The following EXTL3 variants were observed in gnomAD, a reference collection of about 807,000 sequenced individuals.
EXTL3 encodes exostosin like glycosyltransferase 3.
Under a neutral mutation model 69.3 loss-of-function variants are expected in EXTL3, and 27 were observed. The observed-to-expected ratio is 0.39, with a 90% CI of 0.29 to 0.54. EXTL3 has a LOEUF of 0.54. EXTL3 is among the 20% of genes least tolerant of loss of function. The pLI, the probability that EXTL3 is intolerant of heterozygous loss-of-function variation, is 0.69. For synonymous variants in EXTL3, 511 were observed against 499.4 expected, an observed-to-expected ratio of 1.02 and a Z score of -0.31; for missense variants, 1,003 against 1,231.8, an observed-to-expected ratio of 0.81 and a Z score of 2.78.
At chr8:28,657,429 C>T (rs1807028873) in intron 1 of EXTL3, among the ~76,000 whole-genome samples, 1 of 152,224 alleles carries the variant, frequency 6.6e-6, no homozygotes, top group Non-Finnish European at 1.5e-5. Flanking sequence ...CTCTGCCTGG[C>T]CCGACTAAGT....
intron 1 of EXTL3, among the ~76,000 whole-genome samples, chr8:28,708,500 A>G (rs1585266054): frequency 6.6e-6 from 1 of 150,968 alleles, no homozygotes; most frequent in East Asian, 1.9e-4. Context: ...GTGCTTATTA[A>G]CATACTTCCT....
At chr8:28,685,119 T>C (rs1365627196) in intron 1 of EXTL3, among the ~76,000 whole-genome samples, 1 of 151,948 alleles carries the variant, frequency 6.6e-6, no homozygotes, top group Non-Finnish European at 1.5e-5. Context: ...GCCTAGCTAA[T>C]TTTTATATTT....
At chr8:28,684,601 G>C (rs1324202371) in intron 1 of EXTL3, among the ~76,000 whole-genome samples, 2 of 152,034 alleles carry the variant, frequency 1.3e-5, no homozygotes, top group East Asian at 3.9e-4. Flanking sequence ...ATGTTGCTGG[G>C]TATGGTGGTA....
chr8:28,730,479 TA>T lies in EXTL3; in HGVS notation c.2149-741del, dbSNP rs1447311250. ...CACAGCTACTCACCCACACTGTAGG[TA>T]AACTATACTTAACTGAGATATGGTT... On this transcript the variant is annotated intron_variant, in intron 3 of 6. Coordinates refer to ENST00000220562, the MANE Select transcript of EXTL3 (RefSeq NM_001440.4). Among the ~76,000 whole-genome samples the T allele has an allele frequency of 2.6e-5, 4 of 151,960 alleles. No individual in the cohort carries two copies. In the East Asian group the frequency reaches 7.7e-4, roughly 29 times the overall value.
chr8:28,710,357 C>T, intron 1 of EXTL3: 1 of 405,032 alleles, frequency 2.5e-6, no homozygotes. Context: ...CCTGCAGGAA[C>T]AGCTACATTT....
In EXTL3 at chr8:28,691,572, A is replaced by ATTTTTTTTTTTTTTTTTTTTTTTT. The variant is rs71222571; in HGVS notation, c.-52-21873_-52-21872insTTTTTTTTTTTTTTTTTTTTTTTT. 9.2e-4 allele frequency among the ~76,000 whole-genome samples: 125 copies of ATTTTTTTTTTTTTTTTTTTTTTTT among 135,412 alleles called. 7 individuals are homozygous for ATTTTTTTTTTTTTTTTTTTTTTTT. The highest frequency in any genetic ancestry group is 3.8e-3 in the African/African-American group (119 of 30,948). 88.8% of individuals were successfully genotyped at this position (135,412 alleles called of 152,430 possible). On this transcript the variant is annotated intron_variant, in intron 1 of 6. Coordinates refer to the EXTL3 transcript ENST00000523149. ...TGGTAAATATTTATCAGTTTTTGTG[A>ATTTTTTTTTTTTTTTTTTTTTTTT]TTTTTTTTTTTTGCTATTGTGTTCC...
chr8:28,674,071 TTTTGTTTG>T (rs56245235), intron 1 of EXTL3, among the ~76,000 whole-genome samples: 5 of 150,844 alleles, frequency 3.3e-5, no homozygotes, highest in Non-Finnish European at 7.4e-5. Context: ...ATATGATACC[TTTTGTTTG>T]TTTGTTTGTT....
At chr8:28,629,713 A>G (rs537671194) in intron 1 of EXTL3, among the ~76,000 whole-genome samples, 1 of 152,090 alleles carries the variant, frequency 6.6e-6, no homozygotes, top group Non-Finnish European at 1.5e-5. Flanking sequence ...TCCAATTCGG[A>G]TGTGTGTCTA....
chr8:28,622,042 C>T (rs1314952410), upstream of EXTL3, among the ~76,000 whole-genome samples: 2 of 152,122 alleles, frequency 1.3e-5, no homozygotes, highest in Non-Finnish European at 2.9e-5. Context: ...GTTCTGGATT[C>T]CAATTTTAGC....
intron 1 of EXTL3, among the ~76,000 whole-genome samples, chr8:28,680,878 T>C (rs962280964): frequency 6.6e-6 from 1 of 152,146 alleles, no homozygotes; most frequent in Non-Finnish European, 1.5e-5. Flanking sequence ...TTACAAATGA[T>C]AAGATTTCCT....
intron 1 of EXTL3, among the ~76,000 whole-genome samples, chr8:28,679,333 C>T (rs1377980053): frequency 6.6e-6 from 1 of 152,140 alleles, no homozygotes; most frequent in Non-Finnish European, 1.5e-5. Flanking sequence ...GTAGTCCCAG[C>T]TACTCGGGAG....
chr8:28,655,106 A>G (rs1806985026), intron 1 of EXTL3, among the ~76,000 whole-genome samples: 1 of 152,090 alleles, frequency 6.6e-6, no homozygotes, highest in South Asian at 2.1e-4. Flanking sequence ...TATTCTCTCA[A>G]TATTTTGAGC....
At chr8:28,612,776 T>A (rs933102764) in intron 2 of EXTL3, among the ~76,000 whole-genome samples, 3 of 152,192 alleles carry the variant, frequency 2.0e-5, no homozygotes, top group African/African-American at 7.2e-5. Flanking sequence ...TGGAGTGCAG[T>A]GGCACAATCA....
At chr8:28,686,252 G>A (rs1311682847) in intron 1 of EXTL3, among the ~76,000 whole-genome samples, 1 of 151,912 alleles carries the variant, frequency 6.6e-6, no homozygotes, top group Admixed American at 6.6e-5. Flanking sequence ...AGCATTTTGG[G>A]AGGCTGACAT....
At chr8:28,653,750 T>C (rs554837001) in intron 1 of EXTL3, among the ~76,000 whole-genome samples, 1 of 152,250 alleles carries the variant, frequency 6.6e-6, no homozygotes, top group African/African-American at 2.4e-5. Context: ...AGCACCACAC[T>C]TAGTGCTGTT....
At chr8:28,674,935 T>C (rs1174684788) in intron 1 of EXTL3, among the ~76,000 whole-genome samples, 2 of 152,102 alleles carry the variant, frequency 1.3e-5, no homozygotes, top group Non-Finnish European at 2.9e-5. Context: ...CAACACAATG[T>C]TGAACTCCTC....
chr8:28,670,174 A>G (rs1807262711), intron 1 of EXTL3, among the ~76,000 whole-genome samples: 2 of 130,074 alleles, frequency 1.5e-5, no homozygotes. Flanking sequence ...GCACCACTGC[A>G]CTCCAGCTTA....
chr8:28,749,576 A>G (rs992053542), intron 6 of EXTL3, among the ~76,000 whole-genome samples: 1 of 152,188 alleles, frequency 6.6e-6, no homozygotes, highest in Non-Finnish European at 1.5e-5. Flanking sequence ...ACCCAAGTTC[A>G]TGGCTATCTT....
At chr8:28,713,639 C>T in intron 2 of EXTL3, 89 bp downstream of exon 2, 1 of 679,700 alleles carries the variant, frequency 1.5e-6, no homozygotes, top group African/African-American at 1.8e-5. Context: ...ACAATTTGGT[C>T]ATAAGTGCAA....
Sources: gnomAD v4.1 joint callset for allele counts (sites outside exome capture counted in the v4.1 genomes callset) on GRCh38, gnomAD v4.1.1 for gene constraint, MANE v1.5 for transcripts, NCBI Gene and HGNC (gene_info 2026-07-23, HGNC 2026-07-21) for gene names.